The following SLC9C2 variants were observed in gnomAD, a reference collection of about 807,000 sequenced individuals.
The protein encoded by SLC9C2 is solute carrier family 9 member C2 (putative), also known as sodium/hydrogen exchanger 11.
In SLC9C2, 75 loss-of-function variants were observed where a neutral mutation model predicts 140.2. The ratio of observed to expected loss-of-function variants is 0.53; its 90% confidence interval spans 0.44 to 0.65. The LOEUF (loss-of-function observed/expected upper bound fraction) is 0.65. Ranked by LOEUF, SLC9C2 falls within the 30% of genes least tolerant of loss-of-function variation. The pLI is 0.00. For synonymous variants in SLC9C2, 375 were observed against 420.9 expected (o/e 0.89, Z 1.34); for missense variants, 1,074 against 1,331.8 (o/e 0.81, Z 3.01).
chr1:173,558,401 C>T (rs1663861141), intron 9 of SLC9C2, among the ~76,000 whole-genome samples: 1 of 152,094 alleles, frequency 6.6e-6, no homozygotes, highest in South Asian at 2.1e-4. Context: ...AAAATAGAAA[C>T]AACTTATGTC....
intron 4 of SLC9C2, chr1:173,596,319 A>C (rs1430350700): frequency 6.6e-6 from 1 of 152,138 alleles, no homozygotes; most frequent in Admixed American, 6.5e-5. Flanking sequence ...TCATGTGGCA[A>C]GTATATATTT....
At position 173,535,923 on chromosome 1, in the gene SLC9C2, G is replaced by A; in HGVS notation, c.1682C>T (p.Thr561Ile). 1 of 1,504,058 alleles carries A rather than the reference G, an allele frequency of 6.6e-7. No individual in the cohort carries two copies. The allele number at this position is 1,504,058 out of a possible 1,614,324, so 93.2% of individuals were successfully genotyped here. A position where few individuals can be genotyped will look rare whatever the true frequency, so the allele number is the denominator to read the frequency against. ...AAGCCAACTTCTAGTTCTCATATAA[G>A]TTGAAACATCATAAATACTCATGAA... is the stretch of plus-strand genomic sequence containing the variant. ...GKFMSIYDVS[T>I]YMRTRSWLIK... The change falls in exon 15 of 28, where the codon ACT becomes ATT. Residue 561 changes from threonine (T) to isoleucine (I), a missense_variant. Physicochemically the swap from Thr to Ile is moderately conservative, Grantham distance 89 (BLOSUM62 -1). Transcript: ENST00000367714.
Position 173,533,739 on chromosome 1 carries a change from A to T in SLC9C2, c.2033T>A (p.Ile678Asn). Residue 678 changes from isoleucine (I) to asparagine (N), a missense_variant, in exon 17 of 28, where the codon ATC (isoleucine) becomes AAC (asparagine). By Grantham distance (149) the Ile-to-Asn change is moderately radical. Coordinates refer to ENST00000367714, the MANE Select transcript of SLC9C2 (RefSeq NM_178527.4). ...GATATCAATGATTCCAATAACCAGGATAAAAAATTCCAAAGTATTCCAACA... is the reference window on the plus strand; with the variant it reads ...GATATCAATGATTCCAATAACCAGGTTAAAAAATTCCAAAGTATTCCAACA... ...QQCWNTLEFF[I>N]LVIGIIDIFC... 6.2e-7 allele frequency: 1 copy of T among 1,607,264 alleles called. No individual in the cohort carries two copies. The highest frequency in any genetic ancestry group is 1.1e-5 in the South Asian group (1 of 90,372).
At chr1:173,546,092 AGATACCACTTTTTAATAG>A (rs1298631227) in intron 13 of SLC9C2, among the ~76,000 whole-genome samples, 1 of 152,216 alleles carries the variant, frequency 6.6e-6, no homozygotes, top group Non-Finnish European at 1.5e-5. Context: ...GATAGGATAA[AGATACCACTTTTTAATAG>A]GAGGCTCTGC....
chr1:173,517,438 G>A (rs768958540), intron 23 of SLC9C2, 99 bp downstream of exon 23: 39 of 1,155,160 alleles, frequency 3.4e-5, no homozygotes, highest in Non-Finnish European at 4.6e-5. Context: ...ATAGCTGGTT[G>A]GGTGACTAAG....
At position 173,583,537 on chromosome 1, in the gene SLC9C2, C is replaced by A. The variant is rs2102224475; in HGVS notation, c.609G>T (p.Arg203=). ...AAATAGAAAAGTGGATTCTGTTGCCCCGAAAATTTCCAAAAAAAATTGATG... is the reference window on the plus strand; with the variant it reads ...AAATAGAAAAGTGGATTCTGTTGCCACGAAAATTTCCAAAAAAAATTGATG... The part of the protein sequence containing the change: ...SIASIFFGNF[R]GNRIHFSIFR... Residue 203 remains arginine, a synonymous_variant, in exon 6 of 28, where the codon CGG becomes CGT. Coordinates refer to ENST00000367714, the MANE Select transcript of SLC9C2 (RefSeq NM_178527.4). 6.2e-7 allele frequency: 1 copy of A among 1,609,822 alleles called. No individual in the cohort carries two copies. The highest frequency in any genetic ancestry group is 8.5e-7 in the Non-Finnish European group (1 of 1,177,726).
rs1571587815 is a variant in SLC9C2 at position 173,571,796 on chromosome 1, G to C, written c.1046+1386C>G. The C allele has an allele frequency of 3.3e-5, 5 of 152,106 alleles. No individual in the cohort carries two copies. In the South Asian group the frequency reaches 8.3e-4, roughly 25 times the overall value. 9.4% of individuals were successfully genotyped at this position (152,106 alleles called of 1,614,324 possible). A position where few individuals can be genotyped will look rare whatever the true frequency, so the allele number is the denominator to read the frequency against. ...TGCTGAAAGAATTAACAAATACAGTGGTGGTTTGTTTTCATGTTTTAATTT... is the reference window on the plus strand; with the variant it reads ...TGCTGAAAGAATTAACAAATACAGTCGTGGTTTGTTTTCATGTTTTAATTT... On this transcript the variant is annotated intron_variant, in intron 9 of 27. Coordinates refer to ENST00000367714, the MANE Select transcript of SLC9C2 (RefSeq NM_178527.4).
chr1:173,547,699 G>A lies in SLC9C2; in HGVS notation c.1547C>T (p.Ala516Val), dbSNP rs773543678. 1.2e-6 allele frequency: 2 copies of A among 1,610,410 alleles called. No homozygotes were observed. Among genetic ancestry groups the A allele is most frequent in the Non-Finnish European group, 1.7e-6 (2 of 1,177,148 alleles). Residue 516 changes from alanine to valine, a missense_variant, in exon 13 of 28, where the codon GCA becomes GTA. Coordinates refer to ENST00000367714, the MANE Select transcript of SLC9C2 (RefSeq NM_178527.4). Reference sequence around the variant, plus strand: ...GTGAACAGCACCAACCATTTGTATTGCAGCTACATGCAATCTGGCTTCCTC... The same window carrying A: ...GTGAACAGCACCAACCATTTGTATTACAGCTACATGCAATCTGGCTTCCTC... ...LMEEARLHVA[A>V]IQMSSFEKQR...
intron 9 of SLC9C2, among the ~76,000 whole-genome samples, chr1:173,564,674 G>A (rs1440079528): frequency 7.9e-6 from 1 of 126,656 alleles, no homozygotes. Context: ...GCCTTGCTCT[G>A]TCACCCAGGC....
chr1:173,590,345 T>C (rs1270461923), intron 4 of SLC9C2, among the ~76,000 whole-genome samples: 1 of 151,922 alleles, frequency 6.6e-6, no homozygotes, highest in East Asian at 1.9e-4. Flanking sequence ...TCAGATTTAG[T>C]AACCATAAGA....
chr1:173,560,645 C>T (rs994372123), intron 9 of SLC9C2, among the ~76,000 whole-genome samples: 27 of 152,180 alleles, frequency 1.8e-4, no homozygotes, highest in Admixed American at 4.6e-4. Flanking sequence ...TGTCCCAACC[C>T]TCCCTCTCAG....
chr1:173,527,412 A>G (rs1661281810), intron 18 of SLC9C2, among the ~76,000 whole-genome samples: 1 of 152,218 alleles, frequency 6.6e-6, no homozygotes, highest in East Asian at 1.9e-4. Flanking sequence ...GTGAGCAGCT[A>G]GTTGGGAAGC....
At chr1:173,501,145 GA>G (rs1659238809) in intron 27 of SLC9C2, 48 bp from the exon 28 acceptor site, 1 of 1,481,378 alleles carries the variant, frequency 6.8e-7, no homozygotes, top group Admixed American at 2.5e-5. Context: ...AACATTTCAG[GA>G]AAAACTTCTT....
At position 173,547,694 on chromosome 1, in the gene SLC9C2, G is replaced by C. The variant is rs772667562; in HGVS notation, c.1552C>G (p.Gln518Glu). 1.2e-6 allele frequency: 2 copies of C among 1,607,492 alleles called. No homozygotes were observed. The highest frequency in any genetic ancestry group is 1.7e-6 in the Non-Finnish European group (2 of 1,174,540). ...EEARLHVAAIQMSSFEKQRNN... is the reference protein window; with the variant it reads ...EEARLHVAAIEMSSFEKQRNN... Reference sequence around the variant, plus strand: ...ATTATGTGAACAGCACCAACCATTTGTATTGCAGCTACATGCAATCTGGCT... The same window carrying C: ...ATTATGTGAACAGCACCAACCATTTCTATTGCAGCTACATGCAATCTGGCT... The change falls in exon 13 of 28, where the codon CAA (glutamine) becomes GAA (glutamate). Residue 518 changes from glutamine (Q) to glutamate (E), a missense_variant. Gln to Glu is a conservative substitution (Grantham distance 29). Coordinates refer to ENST00000367714, the MANE Select transcript of SLC9C2 (RefSeq NM_178527.4).
At chr1:173,521,926 G>A (rs942507179) in intron 21 of SLC9C2, among the ~76,000 whole-genome samples, 77 of 150,454 alleles carry the variant, frequency 5.1e-4, no homozygotes, top group African/African-American at 1.7e-3. Context: ...AAGGCCGGGC[G>A]CGGTGGCTTA....
intron 23 of SLC9C2, among the ~76,000 whole-genome samples, chr1:173,511,271 C>G (rs1438810839): frequency 7.2e-5 from 11 of 151,940 alleles, no homozygotes; most frequent in Admixed American, 7.2e-4. Context: ...ACCTCATGAT[C>G]CCCCTGCCTC....
chr1:173,597,532 C>G (rs772223806), intron 4 of SLC9C2, among the ~76,000 whole-genome samples: 2 of 152,056 alleles, frequency 1.3e-5, no homozygotes, highest in Non-Finnish European at 2.9e-5. Flanking sequence ...AAGTAACAAT[C>G]TTTGCAGGGA....
intron 13 of SLC9C2, among the ~76,000 whole-genome samples, chr1:173,544,988 C>T (rs1331410533): frequency 6.6e-6 from 1 of 152,136 alleles, no homozygotes; most frequent in Non-Finnish European, 1.5e-5. Context: ...CACATGTACC[C>T]TAGAACTTAA....
intron 26 of SLC9C2, among the ~76,000 whole-genome samples, 189 bp from the exon 27 acceptor site, chr1:173,503,515 G>T (rs997438450): frequency 2.6e-5 from 4 of 152,076 alleles, no homozygotes; most frequent in African/African-American, 9.7e-5. Flanking sequence ...CAATACAAGG[G>T]CTGACAAACT....
Sources: gnomAD v4.1 joint callset for allele counts (sites outside exome capture counted in the v4.1 genomes callset) on GRCh38, gnomAD v4.1.1 for gene constraint, MANE v1.5 for transcripts, NCBI Gene and HGNC (gene_info 2026-07-23, HGNC 2026-07-21) for gene names.